RCAN2: variants seen among roughly 807,000 people sequenced by gnomAD.
The protein encoded by RCAN2 is calcipressin-2.
A neutral mutation model predicts 23.6 loss-of-function variants in RCAN2; 9 were observed. The observed-to-expected ratio is 0.38, with a 90% CI of 0.23 to 0.67. The LOEUF (loss-of-function observed/expected upper bound fraction) is 0.67, where lower values mean the gene tolerates loss of function less well. Ranked by LOEUF, RCAN2 falls within the 30% of genes least tolerant of loss-of-function variation. RCAN2 has a pLI of 0.51. For missense variants in RCAN2, 273 were observed against 302.3 expected (o/e 0.90, Z 0.72); for synonymous variants, 109 against 115.7 (o/e 0.94, Z 0.37).
At chr6:46,270,786 C>T (rs1474335182) in intron 2 of RCAN2, among the ~76,000 whole-genome samples, 3 of 152,174 alleles carry the variant, frequency 2.0e-5, no homozygotes, top group Non-Finnish European at 4.4e-5. Context: ...GAGAACCCCA[C>T]ATGGCAAGGA....
chr6:46,331,836 T>G (rs1763983407), intron 2 of RCAN2, among the ~76,000 whole-genome samples: 1 of 152,188 alleles, frequency 6.6e-6, no homozygotes, highest in Non-Finnish European at 1.5e-5. Flanking sequence ...ACTACAGAGA[T>G]TCTGCTAAAA....
chr6:46,283,705 C>G (rs946468418), intron 2 of RCAN2, among the ~76,000 whole-genome samples: 4 of 152,216 alleles, frequency 2.6e-5, no homozygotes, highest in African/African-American at 9.6e-5. Flanking sequence ...TTGAACACAT[C>G]AGTTTCCCAA....
chr6:46,337,339 C>T (rs1401375275), intron 2 of RCAN2, among the ~76,000 whole-genome samples: 2 of 152,142 alleles, frequency 1.3e-5, no homozygotes. Context: ...TCTTCTTGTG[C>T]TAAAACCTAC....
intron 2 of RCAN2, among the ~76,000 whole-genome samples, chr6:46,447,789 T>A (rs1326235362): frequency 6.6e-6 from 1 of 151,388 alleles, no homozygotes; most frequent in East Asian, 1.9e-4. Context: ...TTGAGACAAA[T>A]GCAAATGGAC....
intron 2 of RCAN2, among the ~76,000 whole-genome samples, chr6:46,300,538 T>C (rs1482275370): frequency 6.6e-6 from 1 of 152,008 alleles, no homozygotes; most frequent in Non-Finnish European, 1.5e-5. Flanking sequence ...AATTAGGAAA[T>C]AAAATGGAAT....
At position 46,456,987 on chromosome 6, in the gene RCAN2, A is replaced by G; in HGVS notation, c.-2-9T>C. 4.6e-6 allele frequency: 7 copies of G among 1,538,004 alleles called. No individual in the cohort carries two copies. Among genetic ancestry groups the G allele is most frequent in the Non-Finnish European group, 6.2e-6 (7 of 1,135,872 alleles). On this transcript the variant is annotated splice_polypyrimidine_tract_variant and intron_variant, in intron 1 of 4. Transcript: ENST00000371374. Reference sequence around the variant, plus strand: ...TGATTCTCCCCTCATTCCTGGGGATACAAAGATGAGCATGTGTTACTGCAG... The same window carrying G: ...TGATTCTCCCCTCATTCCTGGGGATGCAAAGATGAGCATGTGTTACTGCAG...
rs140578687 is a variant in RCAN2, at chr6:46,450,861, C to T, written c.225+5891G>A. Among the ~76,000 whole-genome samples, 805 of 152,064 alleles carry T rather than the reference C, an allele frequency of 5.3e-3. 7 individuals carry two copies. Among genetic ancestry groups the T allele is most frequent in the Non-Finnish European group, 9.4e-3 (637 of 67,916 alleles). ...AAAGATCTATTCTACAACATGGTGA[C>T]TTTAGTTAAAAATAATCTATTGTAT... On this transcript the variant is annotated intron_variant, in intron 2 of 4. Coordinates refer to ENST00000371374, the MANE Select transcript of RCAN2 (RefSeq NM_001251974.2).
chr6:46,304,681 C>A (rs528271615), intron 2 of RCAN2, among the ~76,000 whole-genome samples: 1 of 152,040 alleles, frequency 6.6e-6, no homozygotes, highest in East Asian at 1.9e-4. Flanking sequence ...TACAGAATGC[C>A]CTGGTGGTTT....
intron 2 of RCAN2, among the ~76,000 whole-genome samples, chr6:46,369,312 T>C (rs1421142721): frequency 6.6e-6 from 1 of 152,114 alleles, no homozygotes; most frequent in Non-Finnish European, 1.5e-5. Flanking sequence ...TTTAAAAAAA[T>C]AGGTAATAAG....
chr6:46,381,813 T>A (rs2150393765), intron 2 of RCAN2, among the ~76,000 whole-genome samples: 1 of 152,244 alleles, frequency 6.6e-6, no homozygotes, highest in South Asian at 2.1e-4. Context: ...TTTTGGCATT[T>A]TAAAAAATCT....
At chr6:46,263,539 A>ATGTGTGTGTGTGTG (rs59953064) in intron 2 of RCAN2, among the ~76,000 whole-genome samples, 1 of 82,374 alleles carries the variant, frequency 1.2e-5, no homozygotes, top group African/African-American at 3.4e-5. Context: ...GTGTGTGTGT[A>ATGTGTGTGTGTGTG]TGTGTGTGTG....
chr6:46,356,760 A>C (rs759621259), intron 2 of RCAN2, among the ~76,000 whole-genome samples: 11 of 152,128 alleles, frequency 7.2e-5, no homozygotes, highest in Non-Finnish European at 1.2e-4. Context: ...TGAGAGTCTA[A>C]CTCAGGGCCT....
intron 2 of RCAN2, among the ~76,000 whole-genome samples, chr6:46,396,943 T>C (rs1199402389): frequency 6.6e-6 from 1 of 151,934 alleles, no homozygotes; most frequent in East Asian, 1.9e-4. Context: ...AAACCCTGTC[T>C]CTACTAAAAA....
intron 2 of RCAN2, among the ~76,000 whole-genome samples, chr6:46,436,087 C>G (rs796680001): frequency 6.6e-6 from 1 of 152,220 alleles, no homozygotes; most frequent in Non-Finnish European, 1.5e-5. Context: ...ACTCATCTGG[C>G]TTACTGCTCC....
rs80201059 is a variant in RCAN2, at chr6:46,478,734, C to T, written c.-3+12439G>A. 5.5e-3 allele frequency among the ~76,000 whole-genome samples: 834 copies of T among 152,298 alleles called. 8 individuals carry two copies. Among genetic ancestry groups the T allele is most frequent in the Non-Finnish European group, 0.01 (685 of 68,020 alleles). ...TTCCCATGTCTGCATTTAACAGGGACCTGCTTTTTCTTTACTCAAAAGTAA... is the reference window on the plus strand; with the variant it reads ...TTCCCATGTCTGCATTTAACAGGGATCTGCTTTTTCTTTACTCAAAAGTAA... On this transcript the variant is annotated intron_variant, in intron 1 of 4. Coordinates refer to ENST00000371374, the MANE Select transcript of RCAN2 (RefSeq NM_001251974.2).
intron 2 of RCAN2, among the ~76,000 whole-genome samples, chr6:46,417,710 C>T (rs552407566): frequency 3.3e-5 from 5 of 152,278 alleles, no homozygotes; most frequent in African/African-American, 1.2e-4. Flanking sequence ...CCAACATATT[C>T]AATTTCATTT....
chr6:46,349,468 T>G (rs1268143900), intron 2 of RCAN2, among the ~76,000 whole-genome samples: 1 of 151,968 alleles, frequency 6.6e-6, no homozygotes, highest in Admixed American at 6.6e-5. Context: ...CATTCAGGGT[T>G]TGAAACCTAA....
intron 2 of RCAN2, among the ~76,000 whole-genome samples, chr6:46,416,381 C>T (rs1205951747): frequency 6.9e-6 from 1 of 145,536 alleles, no homozygotes; most frequent in East Asian, 2.0e-4. Context: ...TAGTATGGTA[C>T]CTTCTTCCTC....
chr6:46,404,720 G>C (rs1766348933), intron 2 of RCAN2, among the ~76,000 whole-genome samples: 1 of 152,068 alleles, frequency 6.6e-6, no homozygotes, highest in South Asian at 2.1e-4. Context: ...TAAATAAATA[G>C]AGGCTAACCT....
Sources: allele counts gnomAD v4.1 joint callset (sites outside exome capture counted in the v4.1 genomes callset), GRCh38; gene constraint gnomAD v4.1.1; transcripts MANE v1.5; gene names NCBI Gene and HGNC (gene_info 2026-07-23, HGNC 2026-07-21).